The following SZRD1 variants were observed in gnomAD, a reference collection of about 807,000 sequenced individuals.
The protein encoded by SZRD1 is SUZ RNA-binding domain-containing.
SZRD1 carries 7 observed loss-of-function variants against 17.6 expected under a neutral mutation model. The observed-to-expected ratio is 0.40, with a 90% CI of 0.23 to 0.75. The LOEUF is 0.75. SZRD1 is among the 30% of genes least tolerant of loss of function. The pLI is 0.38. For missense variants in SZRD1, 178 were observed against 201.8 expected (o/e 0.88, Z 0.71); for synonymous variants, 77 against 77.9 (o/e 0.99, Z 0.06).
intron 3 of SZRD1, among the ~76,000 whole-genome samples, chr1:16,394,565 T>C (rs1213029186): frequency 6.6e-6 from 1 of 152,184 alleles, no homozygotes; most frequent in African/African-American, 2.4e-5. Flanking sequence ...CCCTGCCTGC[T>C]CACAGGGGCC....
At chr1:16,388,153 G>A (rs1408989014) in intron 1 of SZRD1, among the ~76,000 whole-genome samples, 1 of 152,076 alleles carries the variant, frequency 6.6e-6, no homozygotes, top group Non-Finnish European at 1.5e-5. Context: ...ATGCTCTATT[G>A]CCCAGGCAGG....
rs2085303256 is a variant in SZRD1, at chr1:16,395,902, G to A, written c.*762G>A. 6.5e-6 allele frequency: 1 copy of A among 152,736 alleles called. No homozygotes were observed. Among genetic ancestry groups the A allele is most frequent in the Admixed American group, 6.5e-5 (1 of 15,286 alleles). The allele number at this position is 152,736 out of a possible 1,614,324, so 9.5% of individuals were successfully genotyped here. ...CCGAGCTAAGTCCCAGGGCATCTGG[G>A]CCTTGCCTGGAGACTGGGCTAGCTC... is the stretch of plus-strand genomic sequence containing the variant. On this transcript the variant is annotated 3_prime_UTR_variant, in exon 4 of 4. Coordinates refer to ENST00000401088, the MANE Select transcript of SZRD1 (RefSeq NM_001114600.3).
intron 1 of SZRD1, among the ~76,000 whole-genome samples, chr1:16,380,142 G>T (rs888117515): frequency 6.6e-6 from 1 of 152,186 alleles, no homozygotes; most frequent in South Asian, 2.1e-4. Context: ...ACAGATTAAG[G>T]GTTTTAGAAA....
intron 1 of SZRD1, among the ~76,000 whole-genome samples, chr1:16,385,388 G>A (rs916739482): frequency 3.3e-5 from 5 of 152,090 alleles, no homozygotes; most frequent in African/African-American, 4.8e-5. Context: ...TGGCTAGTTC[G>A]AATCAGTCCC....
chr1:16,377,078 C>T (rs140650526), intron 1 of SZRD1, among the ~76,000 whole-genome samples: 57 of 152,282 alleles, frequency 3.7e-4, no homozygotes, highest in African/African-American at 1.3e-3. Context: ...CCTGTTGTTA[C>T]CTCTTGTGTT....
Position 16,391,389 on chromosome 1 carries a change from G to A in SZRD1, c.66G>A (p.Arg22=). The stretch of plus-strand genomic sequence containing the variant: ...TTTTCCTCTAGGAAATAGACAGACG[G>A]TTGGAAAAAAAACTGAAGATCACAC... The part of the protein sequence containing the change: ...EAADSGEIDR[R]LEKKLKITQK... Residue 22 remains arginine (R), a synonymous_variant, in exon 2 of 4, where the codon CGG becomes CGA. Transcript: ENST00000401088. The surrounding 1 kb of genome is among the most constrained non-coding windows in gnomAD (Gnocchi z 4.3). 6.5e-7 allele frequency: 1 copy of A among 1,548,424 alleles called. No homozygotes were observed.
At chr1:16,377,783 G>A (rs771181935) in intron 1 of SZRD1, among the ~76,000 whole-genome samples, 3 of 152,122 alleles carry the variant, frequency 2.0e-5, no homozygotes, top group Non-Finnish European at 4.4e-5. Flanking sequence ...AAAACACTTA[G>A]TAAAGCGTCA....
chr1:16,377,296 A>T (rs560907924), intron 1 of SZRD1, among the ~76,000 whole-genome samples: 1 of 152,218 alleles, frequency 6.6e-6, no homozygotes, highest in Admixed American at 6.5e-5. Flanking sequence ...TGCAGTCATT[A>T]TAAAAGGTAG....
At chr1:16,389,692 G>A (rs565187341) in intron 1 of SZRD1, among the ~76,000 whole-genome samples, 73 of 151,058 alleles carry the variant, frequency 4.8e-4, no homozygotes, top group Admixed American at 4.4e-3. Flanking sequence ...TGATCCGCCC[G>A]CCTCGGCCTC....
chr1:16,390,626 G>A (rs997180068), intron 1 of SZRD1: 2 of 152,062 alleles, frequency 1.3e-5, no homozygotes, highest in African/African-American at 2.4e-5. Context: ...TAAGCCTTTC[G>A]GTAGGTGCCA....
Position 16,397,417 on chromosome 1 carries a change from G to T in SZRD1, c.*2277G>T, listed in dbSNP as rs1400874208. ...TGAGGAAACGGTTTGGATTTTGTGT[G>T]TGGGAGGGTATTTTTTGGGGGTAGT... On this transcript the variant is annotated 3_prime_UTR_variant, in exon 4 of 4. Coordinates refer to ENST00000401088, the MANE Select transcript of SZRD1 (RefSeq NM_001114600.3). This position sits in a 1 kb window ranked among gnomAD's most constrained non-coding sequence, Gnocchi z 5.4. 1 of 152,276 alleles carries T rather than the reference G, an allele frequency of 6.6e-6. No homozygotes were observed. The highest frequency in any genetic ancestry group is 2.4e-5 in the African/African-American group (1 of 41,468). 9.4% of individuals were successfully genotyped at this position (152,276 alleles called of 1,614,324 possible). A position where few individuals can be genotyped will look rare whatever the true frequency, so the allele number is the denominator to read the frequency against.
At chr1:16,369,914 A>G (rs911138087) in intron 1 of SZRD1, among the ~76,000 whole-genome samples, 5 of 150,078 alleles carry the variant, frequency 3.3e-5, no homozygotes, top group African/African-American at 1.2e-4. Context: ...AAAAAAAACT[A>G]CAGAGGTGGA....
chr1:16,373,688 C>G (rs916185271), intron 1 of SZRD1, among the ~76,000 whole-genome samples: 1 of 151,892 alleles, frequency 6.6e-6, no homozygotes, highest in African/African-American at 2.4e-5. Flanking sequence ...GTCTCGACCT[C>G]CCAGGCTCAA....
chr1:16,376,639 C>T (rs1470894106), intron 1 of SZRD1, among the ~76,000 whole-genome samples: 1 of 151,744 alleles, frequency 6.6e-6, no homozygotes, highest in Non-Finnish European at 1.5e-5. Flanking sequence ...AACCTTGTCT[C>T]TACTGAAAAT....
intron 1 of SZRD1, 143 bp downstream of exon 1, chr1:16,367,451 T>A: frequency 1.4e-6 from 1 of 734,634 alleles, no homozygotes. Context: ...CCCCAGTTCC[T>A]GAGCGCCGTG....
rs770722718 is a variant in SZRD1 at position 16,393,188 on chromosome 1, C to T, written c.102-40C>T. 4.4e-6 allele frequency: 7 copies of T among 1,604,410 alleles called. No individual in the cohort carries two copies. The highest frequency in any genetic ancestry group is 5.1e-6 in the Non-Finnish European group (6 of 1,173,250). On this transcript the variant is annotated intron_variant, in intron 2 of 3. Coordinates refer to ENST00000401088, the MANE Select transcript of SZRD1 (RefSeq NM_001114600.3). This position sits in a 1 kb window ranked among gnomAD's most constrained non-coding sequence, Gnocchi z 5.6. ...GGGACATGGACAGGGCCTCCTTAGT[C>T]AGGAGCATGATTTGTGAAGCTGTGT...
intron 1 of SZRD1, among the ~76,000 whole-genome samples, chr1:16,389,659 A>G (rs921650154): frequency 4.0e-5 from 6 of 151,822 alleles, no homozygotes. Flanking sequence ...GTTAGCCAGG[A>G]TGGTCTCAAT....
Position 16,395,586 on chromosome 1 carries a change from C to G in SZRD1, c.*446C>G, listed in dbSNP as rs1486400693. The G allele has an allele frequency of 1.2e-5, 2 of 161,554 alleles. No homozygotes were observed. Among genetic ancestry groups the G allele is most frequent in the Non-Finnish European group, 2.7e-5 (2 of 73,002 alleles). 10.0% of individuals were successfully genotyped at this position (161,554 alleles called of 1,614,324 possible). ...GTCTCCATCACTTAAAAAGTAAGTT[C>G]CATTTGAAAATATCCTTTCTTTTTT... On this transcript the variant is annotated 3_prime_UTR_variant, in exon 4 of 4. Transcript: ENST00000401088.
At chr1:16,376,285 A>T (rs912689307) in intron 1 of SZRD1, among the ~76,000 whole-genome samples, 1 of 152,138 alleles carries the variant, frequency 6.6e-6, no homozygotes, top group Non-Finnish European at 1.5e-5. Context: ...AGCTCCTTTG[A>T]AGCATTTCAT....
Sources: gnomAD v4.1 joint callset for allele counts (sites outside exome capture counted in the v4.1 genomes callset) on GRCh38, gnomAD v4.1.1 for gene constraint, Gnocchi (gnomAD v3.1) non-coding constraint, MANE v1.5 for transcripts, NCBI Gene and HGNC (gene_info 2026-07-23, HGNC 2026-07-21) for gene names.